SORCS1: variants seen among roughly 807,000 people sequenced by gnomAD.
SORCS1 encodes the protein sortilin related VPS10 domain containing receptor 1.
Under a neutral mutation model 146.1 loss-of-function variants are expected in SORCS1, and 60 were observed. That is an observed-to-expected ratio of 0.41 (90% CI 0.33 to 0.51). The LOEUF (loss-of-function observed/expected upper bound fraction) is 0.51, where lower values mean the gene tolerates loss of function less well. SORCS1 is among the 20% of genes least tolerant of loss of function. SORCS1 has a pLI of 0.21. For missense variants in SORCS1, 1,352 were observed against 1,487.6 expected, an observed-to-expected ratio of 0.91 and a Z score of 1.50; for synonymous variants, 637 against 584.0, an observed-to-expected ratio of 1.09 and a Z score of -1.31.
chr10:107,170,467 C>G, the SORCS1 span, among the ~76,000 whole-genome samples: 1 of 152,162 alleles, frequency 6.6e-6, no homozygotes, highest in Non-Finnish European at 1.5e-5. Flanking sequence ...GATAAGAAGT[C>G]TTTGGTTATA....
chr10:106,778,801 C>T (rs1267596690), intron 3 of SORCS1, among the ~76,000 whole-genome samples: 2 of 152,128 alleles, frequency 1.3e-5, no homozygotes, highest in Non-Finnish European at 2.9e-5. Flanking sequence ...TTTTCTAGTT[C>T]CCTGTTAGCC....
In SORCS1 at chr10:106,877,419, CA is replaced by C. The variant is rs72076963; in HGVS notation, c.627-47747del. Among the ~76,000 whole-genome samples, 374 of 145,750 alleles carry C rather than the reference CA, an allele frequency of 2.6e-3. 3 individuals are homozygous for C. Among genetic ancestry groups the C allele is most frequent in the Middle Eastern group, 7.1e-3 (2 of 282 alleles). On this transcript the variant is annotated intron_variant, in intron 2 of 25. Coordinates refer to ENST00000263054, the MANE Select transcript of SORCS1 (RefSeq NM_052918.5). ...ACAACATAGAAAGACCCTGTTTCTA[CA>C]AAAAAAAAAATTAGTTGTGCATGGT...
chr10:107,109,295 A>G (rs1965516589), intron 1 of SORCS1, among the ~76,000 whole-genome samples: 1 of 152,248 alleles, frequency 6.6e-6, no homozygotes. Context: ...ACACCCCTGC[A>G]GCAGGCTTCT....
intron 17 of SORCS1, among the ~76,000 whole-genome samples, chr10:106,659,545 A>G (rs7069301): frequency 0.15 from 23,321 of 152,108 alleles, 2,437 homozygotes; most frequent in East Asian, 0.31. Flanking sequence ...AATCCTTTCA[A>G]TTGGTCATGG....
intron 2 of SORCS1, among the ~76,000 whole-genome samples, chr10:106,930,522 T>C (rs1279939122): frequency 6.6e-6 from 1 of 152,178 alleles, no homozygotes; most frequent in Non-Finnish European, 1.5e-5. Flanking sequence ...GCATTGTATG[T>C]TCATGTGTGT....
intron 19 of SORCS1, among the ~76,000 whole-genome samples, chr10:106,626,297 G>A (rs1848108638): frequency 1.3e-5 from 2 of 152,068 alleles, no homozygotes; most frequent in African/African-American, 2.4e-5. Flanking sequence ...TTTACTAGGT[G>A]CCAGGGTACC....
At chr10:106,837,535 C>T (rs2137091598) in intron 2 of SORCS1, among the ~76,000 whole-genome samples, 2 of 151,018 alleles carry the variant, frequency 1.3e-5, no homozygotes, top group East Asian at 1.9e-4. Context: ...GCTTTTGCAA[C>T]ACCAAACAGG....
chr10:106,582,929 A>G (rs1349482180), intron 24 of SORCS1, among the ~76,000 whole-genome samples: 1 of 152,216 alleles, frequency 6.6e-6, no homozygotes, highest in Non-Finnish European at 1.5e-5. Context: ...GTAAGTGCTA[A>G]ATAAATGGTT....
chr10:107,159,936 G>A (rs1349477752), intron 1 of SORCS1, among the ~76,000 whole-genome samples: 1 of 152,052 alleles, frequency 6.6e-6, no homozygotes, highest in Admixed American at 6.5e-5. Context: ...ATTAGAAAAG[G>A]AATCTATTCC....
rs1027694581 is a variant in SORCS1 at position 106,688,059 on chromosome 10, G to T, written c.1560+133C>A. ...GTGCTGTGAGTTTTCTACACCCTTTGCCTTCACGCCCTTCCCCACTCCCTT... is the reference window on the plus strand; with the variant it reads ...GTGCTGTGAGTTTTCTACACCCTTTTCCTTCACGCCCTTCCCCACTCCCTT... On this transcript the variant is annotated intron_variant, in intron 10 of 25. Coordinates refer to ENST00000263054, the MANE Select transcript of SORCS1 (RefSeq NM_052918.5). 21 of 1,228,818 alleles carry T rather than the reference G, an allele frequency of 1.7e-5. No homozygotes were observed. The African/African-American group carries it at 2.6e-4, about 15-fold the overall frequency. 76.1% of individuals were successfully genotyped at this position (1,228,818 alleles called of 1,614,324 possible). A position where few individuals can be genotyped will look rare whatever the true frequency, so the allele number is the denominator to read the frequency against.
At chr10:106,802,606 C>A (rs1445524451) in intron 3 of SORCS1, among the ~76,000 whole-genome samples, 4 of 151,910 alleles carry the variant, frequency 2.6e-5, no homozygotes, top group Admixed American at 6.6e-5. Flanking sequence ...TCAAGTGATT[C>A]TCCTGCCTCA....
chr10:106,739,631 C>A (rs1189571167), intron 5 of SORCS1, among the ~76,000 whole-genome samples: 2 of 151,254 alleles, frequency 1.3e-5, no homozygotes, highest in Admixed American at 1.3e-4. Flanking sequence ...CACGATGAAA[C>A]CCCGTCTCTA....
intron 6 of SORCS1, among the ~76,000 whole-genome samples, chr10:106,726,780 G>A (rs1049497671): frequency 1.3e-5 from 2 of 152,096 alleles, no homozygotes; most frequent in African/African-American, 4.8e-5. Flanking sequence ...TATCATCTAG[G>A]AGCTTGTTAG....
intron 2 of SORCS1, among the ~76,000 whole-genome samples, chr10:106,859,528 G>A (rs1949932197): frequency 6.6e-6 from 1 of 152,112 alleles, no homozygotes; most frequent in Non-Finnish European, 1.5e-5. Context: ...CCAGTGGCTG[G>A]GACTACAGGT....
intron 1 of SORCS1, among the ~76,000 whole-genome samples, chr10:107,110,460 T>G (rs1480685601): frequency 6.6e-6 from 1 of 151,870 alleles, no homozygotes; most frequent in Non-Finnish European, 1.5e-5. Flanking sequence ...AAAGGGGGAA[T>G]AGGCATGTCA....
At chr10:106,644,963 C>T (rs907505206) in intron 18 of SORCS1, among the ~76,000 whole-genome samples, 2 of 152,074 alleles carry the variant, frequency 1.3e-5, no homozygotes, top group African/African-American at 2.4e-5. Context: ...TATGTGTATG[C>T]ATTTCTGATG....
intron 9 of SORCS1, among the ~76,000 whole-genome samples, chr10:106,690,271 A>C (rs1289487083): frequency 2.0e-5 from 3 of 152,276 alleles, no homozygotes; most frequent in Admixed American, 2.0e-4. Context: ...TTAAAAAATT[A>C]AATTACGTAA....
the SORCS1 span, among the ~76,000 whole-genome samples, chr10:107,180,869 G>C: frequency 6.6e-6 from 1 of 152,084 alleles, no homozygotes; most frequent in African/African-American, 2.4e-5. Context: ...TACACACCTA[G>C]GCTCTAGGCT....
At chr10:107,099,294 T>C (rs1198908755) in intron 1 of SORCS1, among the ~76,000 whole-genome samples, 5 of 152,170 alleles carry the variant, frequency 3.3e-5, no homozygotes, top group Non-Finnish European at 7.4e-5. Context: ...TCTCAGGGAC[T>C]CTTGATTGAG....
Sources: allele counts gnomAD v4.1 joint callset (sites outside exome capture counted in the v4.1 genomes callset), GRCh38; gene constraint gnomAD v4.1.1; transcripts MANE v1.5; gene names NCBI Gene and HGNC (gene_info 2026-07-23, HGNC 2026-07-21).